SLC24A3: variants seen among roughly 807,000 people sequenced by gnomAD.
SLC24A3 encodes the protein solute carrier family 24 member 3, also known as sodium/potassium/calcium exchanger 3.
In SLC24A3, 28 loss-of-function variants were observed where a neutral mutation model predicts 75.8. The ratio of observed to expected loss-of-function variants is 0.37; its 90% confidence interval spans 0.27 to 0.51. The LOEUF is 0.51. Ranked by LOEUF, SLC24A3 falls within the 20% of genes least tolerant of loss-of-function variation. SLC24A3 has a pLI of 0.94. For missense variants in SLC24A3, 663 were observed against 847.8 expected, an observed-to-expected ratio of 0.78 and a Z score of 2.71; for synonymous variants, 372 against 334.1, an observed-to-expected ratio of 1.11 and a Z score of -1.24.
At chr20:19,333,496 G>A (rs147681379) in intron 2 of SLC24A3, among the ~76,000 whole-genome samples, 2 of 152,234 alleles carry the variant, frequency 1.3e-5, no homozygotes, top group African/African-American at 2.4e-5. Context: ...TCACCAAAGC[G>A]GTTTGTGGTA....
intron 6 of SLC24A3, among the ~76,000 whole-genome samples, chr20:19,637,830 A>G (rs2032019460): frequency 1.3e-5 from 2 of 152,244 alleles, no homozygotes. Flanking sequence ...ATACTCCCGA[A>G]AGCTAATGGT....
chr20:19,438,854 G>A (rs1030660582), intron 2 of SLC24A3, among the ~76,000 whole-genome samples: 10 of 152,168 alleles, frequency 6.6e-5, no homozygotes, highest in African/African-American at 2.2e-4. Context: ...TCTGCACCTG[G>A]CATCCCCACA....
intron 2 of SLC24A3, among the ~76,000 whole-genome samples, chr20:19,351,944 A>G (rs955624940): frequency 6.6e-6 from 1 of 152,038 alleles, no homozygotes; most frequent in Non-Finnish European, 1.5e-5. Flanking sequence ...TGGGTGTCAT[A>G]GGTGGGGCTC....
intron 2 of SLC24A3, among the ~76,000 whole-genome samples, chr20:19,360,871 G>C (rs1191507877): frequency 1.3e-5 from 2 of 151,890 alleles, no homozygotes; most frequent in African/African-American, 4.8e-5. Flanking sequence ...CTGTCGGCCA[G>C]GCTGGAGTGC....
chr20:19,541,808 G>A (rs778350943), intron 3 of SLC24A3, among the ~76,000 whole-genome samples: 1 of 152,220 alleles, frequency 6.6e-6, no homozygotes, highest in Non-Finnish European at 1.5e-5. Flanking sequence ...CGGTGTGTGC[G>A]GCTATGGGTC....
chr20:19,269,128 A>G (rs1983250741), intron 1 of SLC24A3, among the ~76,000 whole-genome samples: 1 of 152,228 alleles, frequency 6.6e-6, no homozygotes, highest in Non-Finnish European at 1.5e-5. Context: ...GCATCAATAA[A>G]ATTAAAAATT....
chr20:19,639,133 T>C (rs2032037533), intron 6 of SLC24A3, among the ~76,000 whole-genome samples: 1 of 152,096 alleles, frequency 6.6e-6, no homozygotes, highest in South Asian at 2.1e-4. Flanking sequence ...GCATTTACAA[T>C]CCCTGAGCTA....
At chr20:19,690,478 T>C (rs1463829541) in intron 12 of SLC24A3, among the ~76,000 whole-genome samples, 1 of 152,126 alleles carries the variant, frequency 6.6e-6, no homozygotes, top group African/African-American at 2.4e-5. Flanking sequence ...CAAGTTGGGA[T>C]CATTTCTCTT....
intron 3 of SLC24A3, among the ~76,000 whole-genome samples, chr20:19,551,964 A>G (rs1251317202): frequency 6.6e-6 from 1 of 152,204 alleles, no homozygotes; most frequent in East Asian, 1.9e-4. Context: ...CTTGTCTTTC[A>G]CTGACTGTAT....
chr20:19,470,558 T>C (rs1987853070), intron 2 of SLC24A3, among the ~76,000 whole-genome samples: 1 of 152,142 alleles, frequency 6.6e-6, no homozygotes, highest in South Asian at 2.1e-4. Context: ...CTTCTCCCCC[T>C]CCTTTGCACA....
intron 9 of SLC24A3, among the ~76,000 whole-genome samples, chr20:19,674,051 C>T (rs1451640723): frequency 6.6e-6 from 1 of 152,170 alleles, no homozygotes; most frequent in East Asian, 1.9e-4. Context: ...CCAACATGAG[C>T]CAGCCATCCG....
chr20:19,236,559 C>CT (rs1442350532), intron 1 of SLC24A3, among the ~76,000 whole-genome samples: 1 of 152,018 alleles, frequency 6.6e-6, no homozygotes, highest in East Asian at 1.9e-4. Flanking sequence ...TGAGACCAGC[C>CT]TTGGCAACAT....
chr20:19,719,112 G>A (rs1280749750), intron 16 of SLC24A3, among the ~76,000 whole-genome samples: 1 of 152,166 alleles, frequency 6.6e-6, no homozygotes, highest in African/African-American at 2.4e-5. Flanking sequence ...GGCTGAGTCA[G>A]GGAGAGGAGC....
intron 6 of SLC24A3, among the ~76,000 whole-genome samples, chr20:19,591,534 A>G (rs567848027): frequency 2.0e-5 from 3 of 151,724 alleles, no homozygotes; most frequent in South Asian, 4.2e-4. Context: ...TAGCATTTTC[A>G]GGCCTCAGGT....
chr20:19,617,498 C>G (rs1409584022), intron 6 of SLC24A3, among the ~76,000 whole-genome samples: 1 of 152,172 alleles, frequency 6.6e-6, no homozygotes, highest in Non-Finnish European at 1.5e-5. Flanking sequence ...TCCATTGGAG[C>G]TGGCCTTGGT....
rs1409431626 is a variant in SLC24A3, at chr20:19,351,203, T to TGCAA, written c.271+70119_271+70120insAGCA. On this transcript the variant is annotated intron_variant, in intron 2 of 16. Transcript: ENST00000328041. ...CCCAGAACCTTGGCCTTGTCACTGC[T>TGCAA]GCAGTCTGAAGTTCTCATTTTCCCT... is the stretch of plus-strand genomic sequence containing the variant. 1.6e-4 allele frequency among the ~76,000 whole-genome samples: 25 copies of TGCAA among 152,340 alleles called. 1 individual carries two copies. Among genetic ancestry groups the TGCAA allele is most frequent in the African/African-American group, 6.0e-4 (25 of 41,584 alleles).
At chr20:19,298,448 A>T (rs1485893685) in intron 2 of SLC24A3, among the ~76,000 whole-genome samples, 1 of 152,166 alleles carries the variant, frequency 6.6e-6, no homozygotes, top group Non-Finnish European at 1.5e-5. Flanking sequence ...GATCATTAAT[A>T]TGTTGCTCTG....
chr20:19,361,039 G>A (rs1473539824), intron 2 of SLC24A3, among the ~76,000 whole-genome samples: 1 of 152,158 alleles, frequency 6.6e-6, no homozygotes, highest in African/African-American at 2.4e-5. Context: ...GTGTTAGCCA[G>A]GATGGTCTCG....
chr20:19,550,750 T>C (rs1331783239), intron 3 of SLC24A3, among the ~76,000 whole-genome samples: 3 of 152,220 alleles, frequency 2.0e-5, no homozygotes, highest in Non-Finnish European at 4.4e-5. Context: ...GCAAAGTGCC[T>C]TGAAGGCCGT....
Sources: gnomAD v4.1 joint callset for allele counts (sites outside exome capture counted in the v4.1 genomes callset) on GRCh38, gnomAD v4.1.1 for gene constraint, MANE v1.5 for transcripts, NCBI Gene and HGNC (gene_info 2026-07-23, HGNC 2026-07-21) for gene names.